ADAMTS9: variants seen among roughly 807,000 people sequenced by gnomAD.
The protein encoded by ADAMTS9 is A disintegrin and metalloproteinase with thrombospondin motifs 9.
A neutral mutation model predicts 257.1 loss-of-function variants in ADAMTS9; 107 were observed. That is an observed-to-expected ratio of 0.42 (90% CI 0.36 to 0.49). ADAMTS9 has a LOEUF of 0.49. Ranked by LOEUF, ADAMTS9 falls within the 20% of genes least tolerant of loss-of-function variation. The pLI is 0.03. For missense variants in ADAMTS9, 2,353 were observed against 2,469.1 expected, an observed-to-expected ratio of 0.95 and a Z score of 1.00; for synonymous variants, 982 against 880.9, an observed-to-expected ratio of 1.11 and a Z score of -2.03.
chr3:64,649,127 A>G (rs775700384), intron 10 of ADAMTS9, among the ~76,000 whole-genome samples: 11 of 152,096 alleles, frequency 7.2e-5, no homozygotes, highest in Non-Finnish European at 1.5e-4. Flanking sequence ...AAACTATCAC[A>G]CAGCCACCCC....
chr3:64,686,275 T>G lies in ADAMTS9; in HGVS notation c.516+293A>C, dbSNP rs572621512. Among the ~76,000 whole-genome samples the G allele has an allele frequency of 4.6e-5, 7 of 152,358 alleles. No individual in the cohort carries two copies. The South Asian group carries it at 1.4e-3, about 32-fold the overall frequency. On this transcript the variant is annotated intron_variant, in intron 2 of 39. Coordinates refer to ENST00000498707, the MANE Select transcript of ADAMTS9 (RefSeq NM_182920.2). The surrounding 1 kb of genome is among the most constrained non-coding windows in gnomAD (Gnocchi z 4.6). ...AGTAACTTTCTCCGAGTTTGGAAAC[T>G]GACTTCCAGGCCGCCTCGCAGCGTT...
rs139278996 is a variant in ADAMTS9 at position 64,600,323 on chromosome 3, A to C, written c.4017+1621T>G. Reference sequence around the variant, plus strand: ...TCAGACACGTCAAGCTAGGGCTGAAAATCACATTGTCCAGCTTCAGCCTCA... The same window carrying C: ...TCAGACACGTCAAGCTAGGGCTGAACATCACATTGTCCAGCTTCAGCCTCA... On this transcript the variant is annotated intron_variant, in intron 26 of 39. Coordinates refer to ENST00000498707, the MANE Select transcript of ADAMTS9 (RefSeq NM_182920.2). Among the ~76,000 whole-genome samples, 23 of 152,248 alleles carry C rather than the reference A, an allele frequency of 1.5e-4. No homozygotes were observed. The East Asian group carries it at 3.9e-3, about 26-fold the overall frequency.
At position 64,537,603 on chromosome 3, in the gene ADAMTS9, C is replaced by T. The variant is rs539898510; in HGVS notation, c.5613+1600G>A. On this transcript the variant is annotated intron_variant, in intron 37 of 39. Transcript: ENST00000498707. ...CCGAAAAAACGCCTCGTTAAAACAA[C>T]GTTCAGATGTGTTTGTCTTCGGACG... Among the ~76,000 whole-genome samples, 30 of 152,302 alleles carry T rather than the reference C, an allele frequency of 2.0e-4. No homozygotes were observed. The South Asian group carries it at 6.2e-3, about 32-fold the overall frequency.
At chr3:64,663,962 T>C (rs899027282) in intron 3 of ADAMTS9, among the ~76,000 whole-genome samples, 2 of 152,162 alleles carry the variant, frequency 1.3e-5, no homozygotes, top group Non-Finnish European at 2.9e-5. Context: ...ATATCTTATA[T>C]ACCCACTCAA....
chr3:64,625,188 G>A (rs994747411), intron 16 of ADAMTS9, among the ~76,000 whole-genome samples: 11 of 152,200 alleles, frequency 7.2e-5, no homozygotes, highest in African/African-American at 2.4e-4. Flanking sequence ...AGCCGCCCAA[G>A]AAACCATGCT....
intron 2 of ADAMTS9, chr3:64,684,852 G>A (rs1041498352): frequency 6.6e-6 from 1 of 152,256 alleles, no homozygotes; most frequent in Admixed American, 6.5e-5. Flanking sequence ...GGAGAGAGGA[G>A]GAGTAAAGGC....
intron 37 of ADAMTS9, among the ~76,000 whole-genome samples, chr3:64,533,904 T>C (rs1474856828): frequency 6.6e-6 from 1 of 152,166 alleles, no homozygotes; most frequent in Non-Finnish European, 1.5e-5. Context: ...AGGGTGCCTT[T>C]CAGAACATGG....
rs200620484 is a variant in ADAMTS9, at chr3:64,647,903, G to A, written c.1710+37C>T. 3.2e-4 allele frequency: 505 copies of A among 1,584,440 alleles called. 2 individuals are homozygous for A. Among genetic ancestry groups the A allele is most frequent in the South Asian group, 9.1e-4 (80 of 87,874 alleles). ...TACACCCAAAATCTTGCACATTTCT[G>A]CCCTAAGACAGAAGGACAGAACAGG... On this transcript the variant is annotated intron_variant, in intron 11 of 39. Transcript: ENST00000498707.
chr3:64,614,674 T>G (rs147499383), intron 21 of ADAMTS9, among the ~76,000 whole-genome samples: 2,152 of 152,236 alleles, frequency 0.014, 31 homozygotes, highest in Non-Finnish European at 0.019. Context: ...GTGTTAATAG[T>G]GAGTGCTAAT....
intron 19 of ADAMTS9, among the ~76,000 whole-genome samples, chr3:64,616,477 T>A (rs755632237): frequency 1.5e-4 from 23 of 152,126 alleles, no homozygotes; most frequent in Non-Finnish European, 3.2e-4. Context: ...TTCAAGTGTA[T>A]TAAAACCTGT....
intron 28 of ADAMTS9, among the ~76,000 whole-genome samples, chr3:64,581,597 G>T (rs1484330156): frequency 6.6e-6 from 1 of 152,064 alleles, no homozygotes; most frequent in African/African-American, 2.4e-5. Flanking sequence ...ATTTGCATGT[G>T]CTCAATTTAT....
At chr3:64,589,099 C>A (rs540628130) in intron 28 of ADAMTS9, 1 of 152,156 alleles carries the variant, frequency 6.6e-6, no homozygotes, top group South Asian at 2.1e-4. Flanking sequence ...ATGTGATATT[C>A]CTTATAGTCA....
rs747843929 is a variant in ADAMTS9, at chr3:64,561,752, C to G, written c.4525-1G>C. On this transcript the variant is annotated splice_acceptor_variant, in intron 29 of 39. Transcript: ENST00000498707. LOFTEE classifies it high-confidence loss of function. The stretch of plus-strand genomic sequence containing the variant: ...CGCCTCGGCCACAGGACACAGAGCA[C>G]TAAGAAGACAGAGAACGTAAGTGGG... 1.2e-5 allele frequency: 18 copies of G among 1,525,806 alleles called. No homozygotes were observed. Among genetic ancestry groups the G allele is most frequent in the Non-Finnish European group, 1.6e-5 (18 of 1,128,544 alleles). 94.5% of individuals were successfully genotyped at this position (1,525,806 alleles called of 1,614,324 possible). A position where few individuals can be genotyped will look rare whatever the true frequency, so the allele number is the denominator to read the frequency against.
At position 64,539,277 on chromosome 3, in the gene ADAMTS9, C is replaced by A. The variant is rs2083091002; in HGVS notation, c.5539G>T (p.Ala1847Ser). 1 of 1,613,922 alleles carries A rather than the reference C, an allele frequency of 6.2e-7. No individual in the cohort carries two copies. Residue 1847 changes from alanine to serine, a missense_variant, in exon 37 of 40, where the codon GCA (alanine) becomes TCA (serine). Transcript: ENST00000498707. ...MQIITTDLQF[A>S]RTSEGHPVPF... Reference sequence around the variant, plus strand: ...ACGGGATGTCCTTCGCTTGTCCTTGCAAACTGTAAGTCAGTGGCTGTGGGG... The same window carrying A: ...ACGGGATGTCCTTCGCTTGTCCTTGAAAACTGTAAGTCAGTGGCTGTGGGG...
chr3:64,681,259 A>G lies in ADAMTS9; in HGVS notation c.621T>C (p.Tyr207=). ...GCTCTCTCTGGGGGGCGCTGCGCCTATAAATGATGTGGGGTTTGTTTTGTT... is the reference window on the plus strand; with the variant it reads ...GCTCTCTCTGGGGGGCGCTGCGCCTGTAAATGATGTGGGGTTTGTTTTGTT... ...EEEQNKPHII[Y]RRSAPQREPS... is the part of the protein sequence containing the mutation. Residue 207 remains tyrosine, a synonymous_variant, in exon 3 of 40, where the codon TAT becomes TAC. Coordinates refer to ENST00000498707, the MANE Select transcript of ADAMTS9 (RefSeq NM_182920.2). 3 of 1,614,082 alleles carry G rather than the reference A, an allele frequency of 1.9e-6. No individual in the cohort carries two copies. The highest frequency in any genetic ancestry group is 2.5e-6 in the Non-Finnish European group (3 of 1,179,962).
chr3:64,602,251 T>A, intron 25 of ADAMTS9, 38 bp from the exon 26 acceptor site: 1 of 1,602,440 alleles, frequency 6.2e-7, no homozygotes, highest in Non-Finnish European at 8.5e-7. Flanking sequence ...GGTCAGTCAT[T>A]TGGTGGAGGG....
chr3:64,687,516 G>T lies in ADAMTS9; in HGVS notation c.115+27C>A, dbSNP rs1251055231. On this transcript the variant is annotated intron_variant, in intron 1 of 39. Coordinates refer to ENST00000498707, the MANE Select transcript of ADAMTS9 (RefSeq NM_182920.2). The surrounding 1 kb of genome is among the most constrained non-coding windows in gnomAD (Gnocchi z 4.4). ...CCGGGAGGCGGCGTCGGGGCCGGCG[G>T]GGTCCCGGGGGCCGGAGCCTGGTTA... is the stretch of plus-strand genomic sequence containing the variant. 1.3e-6 allele frequency: 2 copies of T among 1,502,002 alleles called. No individual in the cohort carries two copies. Among genetic ancestry groups the T allele is most frequent in the South Asian group, 2.6e-5 (2 of 78,336 alleles). 93.0% of individuals were successfully genotyped at this position (1,502,002 alleles called of 1,614,324 possible). A position where few individuals can be genotyped will look rare whatever the true frequency, so the allele number is the denominator to read the frequency against.
intron 28 of ADAMTS9, among the ~76,000 whole-genome samples, chr3:64,570,316 G>A (rs1474451701): frequency 6.6e-6 from 1 of 152,144 alleles, no homozygotes. Context: ...ATTATTCATT[G>A]AGGTAAGTAC....
intron 16 of ADAMTS9, among the ~76,000 whole-genome samples, chr3:64,630,791 A>T (rs960571513): frequency 3.9e-5 from 6 of 152,172 alleles, no homozygotes; most frequent in African/African-American, 1.4e-4. Flanking sequence ...TAAAAAATAA[A>T]AAAATAATAA....
Sources: allele counts gnomAD v4.1 joint callset (sites outside exome capture counted in the v4.1 genomes callset), GRCh38; gene constraint gnomAD v4.1.1; non-coding constraint Gnocchi (gnomAD v3.1); transcripts MANE v1.5; gene names NCBI Gene and HGNC (gene_info 2026-07-23, HGNC 2026-07-21).